The following RPTOR variants were observed in gnomAD, a reference collection of about 807,000 sequenced individuals.
RPTOR encodes regulatory associated protein of MTOR complex 1.
RPTOR carries 21 observed loss-of-function variants against 169.9 expected under a neutral mutation model. The observed-to-expected ratio is 0.12, with a 90% CI of 0.09 to 0.18. The LOEUF (loss-of-function observed/expected upper bound fraction) is 0.18, where lower values mean the gene tolerates loss of function less well. Ranked by LOEUF, RPTOR falls within the 10% of genes least tolerant of loss-of-function variation. The pLI, the probability that RPTOR is intolerant of heterozygous loss-of-function variation, is 1.00. For synonymous variants in RPTOR, 732 were observed against 753.2 expected (o/e 0.97, Z 0.46); for missense variants, 1,133 against 1,855.9 (o/e 0.61, Z 7.16).
At chr17:80,800,850 C>T (rs922169734) in intron 7 of RPTOR, among the ~76,000 whole-genome samples, 2 of 152,230 alleles carry the variant, frequency 1.3e-5, no homozygotes, top group African/African-American at 4.8e-5. Flanking sequence ...AGGCTCAAAG[C>T]GTACCCAGAA....
At chr17:80,749,208 A>G (rs1293277792) in intron 5 of RPTOR, among the ~76,000 whole-genome samples, 8 of 8,912 alleles carry the variant, frequency 9.0e-4, no homozygotes, top group Non-Finnish European at 1.5e-3. Flanking sequence ...TGTTGGATGG[A>G]GGGACTGCGG....
chr17:80,660,980 G>A (rs2065719098), intron 3 of RPTOR, among the ~76,000 whole-genome samples: 1 of 152,192 alleles, frequency 6.6e-6, no homozygotes, highest in South Asian at 2.1e-4. Flanking sequence ...TGCCCTTGGG[G>A]GTTTTCCTCT....
chr17:80,561,083 A>G (rs988285142), intron 1 of RPTOR, among the ~76,000 whole-genome samples: 12 of 151,722 alleles, frequency 7.9e-5, no homozygotes, highest in African/African-American at 2.9e-4. Flanking sequence ...ATTTTATTTT[A>G]TTTTTGAAAT....
At chr17:80,605,782 C>T (rs1047162416) in intron 1 of RPTOR, among the ~76,000 whole-genome samples, 1 of 152,162 alleles carries the variant, frequency 6.6e-6, no homozygotes, top group Non-Finnish European at 1.5e-5. Context: ...TTGCTCATGA[C>T]GAATGCCCGT....
chr17:80,673,915 C>G (rs117665002), intron 3 of RPTOR, among the ~76,000 whole-genome samples: 1 of 152,348 alleles, frequency 6.6e-6, no homozygotes, highest in Non-Finnish European at 1.5e-5. Context: ...GTCCTCTTCA[C>G]TTAGGGCATG....
intron 1 of RPTOR, among the ~76,000 whole-genome samples, chr17:80,607,497 G>A (rs1191757418): frequency 2.6e-5 from 4 of 151,928 alleles, no homozygotes; most frequent in African/African-American, 9.7e-5. Flanking sequence ...GCCACTAAGT[G>A]GTTGGATCAG....
rs560317905 is a variant in RPTOR at position 80,780,979 on chromosome 17, C to G, written c.831-10471C>G. ...TGCACCAGGATCCTGTTGCCTCAGC[C>G]CACTGTGGTCTTTGGGTGCAGAGGA... On this transcript the variant is annotated intron_variant, in intron 6 of 33. Coordinates refer to ENST00000306801, the MANE Select transcript of RPTOR (RefSeq NM_020761.3). Among the ~76,000 whole-genome samples the G allele has an allele frequency of 6.6e-5, 10 of 152,300 alleles. No individual in the cohort carries two copies. In the South Asian group the frequency reaches 2.1e-3, roughly 32 times the overall value.
chr17:80,714,053 C>A (rs549439702), intron 4 of RPTOR, among the ~76,000 whole-genome samples: 3 of 152,222 alleles, frequency 2.0e-5, no homozygotes, highest in African/African-American at 7.2e-5. Context: ...ATTCTCCTGC[C>A]TCAGCCTCCC....
At chr17:80,926,316 A>G (rs1466858374) in intron 24 of RPTOR, among the ~76,000 whole-genome samples, 1 of 152,200 alleles carries the variant, frequency 6.6e-6, no homozygotes, top group Non-Finnish European at 1.5e-5. Flanking sequence ...AGCTTGAACT[A>G]CGGAGCCCCT....
At chr17:80,611,711 T>G (rs2065272151) in intron 1 of RPTOR, among the ~76,000 whole-genome samples, 1 of 152,016 alleles carries the variant, frequency 6.6e-6, no homozygotes, top group African/African-American at 2.4e-5. Context: ...ATAGTTCGTC[T>G]ATATTGAAAT....
intron 1 of RPTOR, among the ~76,000 whole-genome samples, chr17:80,610,921 G>A (rs759669479): frequency 3.3e-5 from 5 of 152,138 alleles, no homozygotes; most frequent in Admixed American, 6.5e-5. Context: ...CTGAATTTTC[G>A]AGTGCAGATA....
rs372393436 is a variant in RPTOR at position 80,652,707 on chromosome 17, G to A, written c.348+8897G>A. Among the ~76,000 whole-genome samples, 24 of 152,254 alleles carry A rather than the reference G, an allele frequency of 1.6e-4. No individual in the cohort carries two copies. In the South Asian group the frequency reaches 4.4e-3, roughly 28 times the overall value. On this transcript the variant is annotated intron_variant, in intron 3 of 33. Transcript: ENST00000306801. ...ACCTTTTAGCTATTTGAATAATGCC[G>A]CTATGAATATGTGCATGCTAGTGTT... is the stretch of plus-strand genomic sequence containing the variant.
intron 1 of RPTOR, among the ~76,000 whole-genome samples, chr17:80,546,769 C>A (rs1428692093): frequency 3.3e-5 from 5 of 152,122 alleles, no homozygotes; most frequent in Non-Finnish European, 7.4e-5. Context: ...GATTACACTT[C>A]TGGGCTGGGC....
At chr17:80,622,894 C>T (rs2065365134) in intron 1 of RPTOR, among the ~76,000 whole-genome samples, 2 of 152,006 alleles carry the variant, frequency 1.3e-5, no homozygotes, top group Non-Finnish European at 2.9e-5. Flanking sequence ...CAGAGTGAGA[C>T]CCCACCTCAA....
At position 80,948,736 on chromosome 17, in the gene RPTOR, G is replaced by A. The variant is rs564398215; in HGVS notation, c.3266-707G>A. The A allele has an allele frequency of 2.8e-4, 43 of 152,628 alleles. No individual in the cohort carries two copies. In the Middle Eastern group the frequency reaches 0.017, roughly 60 times the overall value. 9.5% of individuals were successfully genotyped at this position (152,628 alleles called of 1,614,324 possible). A position where few individuals can be genotyped will look rare whatever the true frequency, so the allele number is the denominator to read the frequency against. On this transcript the variant is annotated intron_variant, in intron 27 of 33. Coordinates refer to ENST00000306801, the MANE Select transcript of RPTOR (RefSeq NM_020761.3). Reference sequence around the variant, plus strand: ...GAGCGCCTGAGGGTCACGCAGGAGGGGCTGGTGAGGCCAGGGGGTGCGGAT... The same window carrying A: ...GAGCGCCTGAGGGTCACGCAGGAGGAGCTGGTGAGGCCAGGGGGTGCGGAT...
chr17:80,653,932 G>T (rs1011793294), intron 3 of RPTOR, among the ~76,000 whole-genome samples: 1 of 152,178 alleles, frequency 6.6e-6, no homozygotes, highest in African/African-American at 2.4e-5. Flanking sequence ...GCATTGTGTC[G>T]CTGGATTTTC....
chr17:80,929,510 G>A (rs749960560), intron 24 of RPTOR, among the ~76,000 whole-genome samples: 2 of 152,254 alleles, frequency 1.3e-5, no homozygotes, highest in Non-Finnish European at 2.9e-5. Flanking sequence ...TACGCTGTTG[G>A]GAGGCATCAC....
chr17:80,925,540 C>G, intron 24 of RPTOR, 60 bp downstream of exon 24: 5 of 1,354,060 alleles, frequency 3.7e-6, no homozygotes, highest in Admixed American at 1.7e-5. Context: ...TGTCCCACTT[C>G]TTTGAGCATA....
At chr17:80,654,579 G>T (rs1167268406) in intron 3 of RPTOR, among the ~76,000 whole-genome samples, 1 of 152,240 alleles carries the variant, frequency 6.6e-6, no homozygotes, top group East Asian at 1.9e-4. Flanking sequence ...GAACCGGGAG[G>T]ATTACCCATG....
Sources: gnomAD v4.1 joint callset for allele counts (sites outside exome capture counted in the v4.1 genomes callset) on GRCh38, gnomAD v4.1.1 for gene constraint, MANE v1.5 for transcripts, NCBI Gene and HGNC (gene_info 2026-07-23, HGNC 2026-07-21) for gene names.